The following CSAD variants were observed in gnomAD, a reference collection of about 807,000 sequenced individuals.
CSAD encodes cysteine sulfinic acid decarboxylase, also known as P-selectin cytoplasmic tail-associated protein.
CSAD carries 47 observed loss-of-function variants against 61.5 expected under a neutral mutation model. That is an observed-to-expected ratio of 0.76 (90% CI 0.60 to 0.97). The LOEUF (loss-of-function observed/expected upper bound fraction) is 0.97. Ranked by LOEUF, CSAD falls within the 50% of genes least tolerant of loss-of-function variation. The pLI is 0.00. For synonymous variants in CSAD, 245 were observed against 252.7 expected (o/e 0.97, Z 0.29); for missense variants, 611 against 643.6 (o/e 0.95, Z 0.55).
intron 2 of CSAD, 33 bp from the exon 3 acceptor site, chr12:53,173,803 G>A: frequency 5.6e-6 from 9 of 1,610,204 alleles, no homozygotes; most frequent in Non-Finnish European, 7.6e-6. Context: ...GGCAGAGGAA[G>A]TGGGGTGAAA....
At position 53,158,530 on chromosome 12, in the gene CSAD, C is replaced by T. The variant is rs150011882; in HGVS notation, c.1463G>A (p.Arg488Gln). 91 of 1,613,128 alleles carry T rather than the reference C, an allele frequency of 5.6e-5. 1 individual carries two copies. Among genetic ancestry groups the T allele is most frequent in the East Asian group, 4.2e-4 (19 of 44,888 alleles). The stretch of plus-strand genomic sequence containing the variant: ...GAAGGCTCACAGGTCCTGGCCTAGC[C>T]GCTCCAGCTCGTTGAGGAGGAAGTC... ...DMDFLLNELE[R>Q]LGQDL The change falls in exon 17 of 17, where the codon CGG becomes CAG. Residue 488 changes from arginine (R) to glutamine (Q), a missense_variant. Coordinates refer to ENST00000444623, the MANE Select transcript of CSAD (RefSeq NM_001244705.2).
Position 53,173,368 on chromosome 12 carries a change from T to C in CSAD, c.103A>G (p.Lys35Glu). ...ACCTTCTGGGAGACACTGGTTCCTT[T>C]CTGAATGGCCTCATCCACAACAACC... ...FGVVVDEAIQ[K>E]GTSVSQKVCE... Residue 35 changes from lysine to glutamate, a missense_variant, in exon 4 of 17, where the codon AAA becomes GAA. Physicochemically the swap from Lys to Glu is moderately conservative, Grantham distance 56 (BLOSUM62 1). Coordinates refer to ENST00000444623, the MANE Select transcript of CSAD (RefSeq NM_001244705.2). 1 of 1,614,198 alleles carries C rather than the reference T, an allele frequency of 6.2e-7. No homozygotes were observed. Among genetic ancestry groups the C allele is most frequent in the South Asian group, 1.1e-5 (1 of 91,080 alleles).
chr12:53,159,165 G>C (rs969095411), intron 16 of CSAD, among the ~76,000 whole-genome samples: 6 of 152,088 alleles, frequency 3.9e-5, no homozygotes, highest in African/African-American at 1.4e-4. Context: ...AACTCCATAA[G>C]GGCAAGAACA....
intron 1 of CSAD, chr12:53,180,429 C>A: frequency 8.5e-7 from 1 of 1,169,974 alleles, no homozygotes; most frequent in Non-Finnish European, 1.1e-6. Flanking sequence ...CCATCGAGCA[C>A]CCAGCGTACA....
intron 1 of CSAD, 150 bp downstream of exon 1, chr12:53,180,582 C>T (rs34628172): frequency 0.055 from 71,184 of 1,284,888 alleles, 2,285 homozygotes; most frequent in East Asian, 0.17. Flanking sequence ...TGCACCTCTC[C>T]GTGCGTCCCC....
In CSAD at chr12:53,180,893, T is replaced by C. The variant is rs772419018; in HGVS notation, c.-252A>G. ...GTCCGTACAGACGGCAGCGCTTCAG[T>C]AGCTCGCAAGCCGTGGGGTGCCGCG... On this transcript the variant is annotated 5_prime_UTR_variant, in exon 1 of 17. Transcript: ENST00000444623. 4 of 1,153,190 alleles carry C rather than the reference T, an allele frequency of 3.5e-6. No individual in the cohort carries two copies. 71.4% of individuals were successfully genotyped at this position (1,153,190 alleles called of 1,614,324 possible). A position where few individuals can be genotyped will look rare whatever the true frequency, so the allele number is the denominator to read the frequency against.
chr12:53,167,957 C>A (rs558842405), intron 10 of CSAD, among the ~76,000 whole-genome samples: 1 of 152,204 alleles, frequency 6.6e-6, no homozygotes, highest in South Asian at 2.1e-4. Context: ...GCATAAGAGC[C>A]CCAAAGTGGA....
chr12:53,174,821 G>A (rs913886345), intron 2 of CSAD, among the ~76,000 whole-genome samples: 29 of 152,104 alleles, frequency 1.9e-4, no homozygotes, highest in African/African-American at 6.5e-4. Context: ...GAGGAATTAA[G>A]GGGGTACAAG....
rs1941541272 is a variant in CSAD at position 53,180,720 on chromosome 12, T to C, written c.-91+12A>G. The C allele has an allele frequency of 7.9e-7, 1 of 1,265,162 alleles. No homozygotes were observed. Among genetic ancestry groups the C allele is most frequent in the African/African-American group, 1.6e-5 (1 of 63,144 alleles). The allele number at this position is 1,265,162 out of a possible 1,614,324, so 78.4% of individuals were successfully genotyped here. On this transcript the variant is annotated intron_variant, in intron 1 of 16. Transcript: ENST00000444623. The stretch of plus-strand genomic sequence containing the variant: ...CGGGGAAACGGGCCGGGGTTGGTGT[T>C]TGTAAACTTGCCTCGGTCCCGGTGG...
chr12:53,162,837 G>A (rs925611371), intron 10 of CSAD, among the ~76,000 whole-genome samples: 12 of 151,982 alleles, frequency 7.9e-5, no homozygotes, highest in South Asian at 4.1e-4. Context: ...CGAGGCGGGC[G>A]GATCACCTGA....
chr12:53,177,826 G>C (rs947058386), intron 2 of CSAD: 1 of 152,248 alleles, frequency 6.6e-6, no homozygotes, highest in African/African-American at 2.4e-5. Context: ...TTTTAGTAGA[G>C]ATGGGGTTTC....
chr12:53,159,839 A>C, intron 15 of CSAD, 48 bp downstream of exon 15: 1 of 1,562,476 alleles, frequency 6.4e-7, no homozygotes, highest in Non-Finnish European at 8.7e-7. Context: ...TGGGGGCTGC[A>C]AAAGAGCTAG....
In CSAD at chr12:53,180,796, C is replaced by A. The variant is rs1407843925; in HGVS notation, c.-155G>T. The A allele has an allele frequency of 8.7e-6, 11 of 1,271,426 alleles. No individual in the cohort carries two copies. In the African/African-American group the frequency reaches 1.7e-4, roughly 20 times the overall value. The allele number at this position is 1,271,426 out of a possible 1,614,324, so 78.8% of individuals were successfully genotyped here. On this transcript the variant is annotated 5_prime_UTR_variant, in exon 1 of 17. Transcript: ENST00000444623. The stretch of plus-strand genomic sequence containing the variant: ...AGGGTGTGCTGGGGCCTGGAGGAGG[C>A]GCCGCGCGGCCAGGGAGCCAGCGGG...
At chr12:53,166,565 A>G (rs1389218531) in intron 10 of CSAD, among the ~76,000 whole-genome samples, 1 of 152,028 alleles carries the variant, frequency 6.6e-6, no homozygotes, top group Non-Finnish European at 1.5e-5. Context: ...TGAGAGACCA[A>G]GGTGGGCAGA....
Position 53,171,926 on chromosome 12 carries a change from C to T in CSAD, c.407G>A (p.Arg136Gln), listed in dbSNP as rs147020312. The change falls in exon 7 of 17, where the codon CGG (arginine) becomes CAG (glutamine). Residue 136 changes from arginine to glutamine, a missense_variant. Physicochemically the swap from Arg to Gln is conservative, Grantham distance 43 (BLOSUM62 1). Transcript: ENST00000444623. ...CCCAGAGCTCCAGCCCACCAGGGCC[C>T]GCAGTTTCCTCAGCACCTCCTCTTC... is the stretch of plus-strand genomic sequence containing the variant. ...LMEEEVLRKL[R>Q]ALVGWSSGDG... 1,324 of 1,614,026 alleles carry T rather than the reference C, an allele frequency of 8.2e-4. 4 individuals carry two copies. The highest frequency in any genetic ancestry group is 9.7e-4 in the Non-Finnish European group (1,139 of 1,179,970).
intron 2 of CSAD, chr12:53,173,998 C>T (rs1380524762): frequency 3.7e-6 from 2 of 544,932 alleles, no homozygotes; most frequent in Non-Finnish European, 6.6e-6. Flanking sequence ...CTAGTCTGGC[C>T]ATTTCATGTA....
intron 10 of CSAD, among the ~76,000 whole-genome samples, chr12:53,166,765 T>C (rs1939989648): frequency 6.6e-6 from 1 of 151,946 alleles, no homozygotes; most frequent in Non-Finnish European, 1.5e-5. Context: ...CACTGCCCTC[T>C]AGCCTGGGGG....
intron 10 of CSAD, among the ~76,000 whole-genome samples, chr12:53,163,105 C>T (rs1939503230): frequency 6.6e-6 from 1 of 151,706 alleles, no homozygotes; most frequent in African/African-American, 2.4e-5. Flanking sequence ...TATAGGGGTG[C>T]ACTCCTATAG....
At position 53,158,058 on chromosome 12, in the gene CSAD, A is replaced by C. The variant is rs1938755087; in HGVS notation, c.*453T>G. The stretch of plus-strand genomic sequence containing the variant: ...TGTAATTTATTTAAACACTCTCCTA[A>C]AATCAAATATTTAGTTAGGAGAAAG... On this transcript the variant is annotated 3_prime_UTR_variant, in exon 17 of 17. Coordinates refer to ENST00000444623, the MANE Select transcript of CSAD (RefSeq NM_001244705.2). The C allele has an allele frequency of 6.6e-6, 1 of 152,362 alleles. No individual in the cohort carries two copies. Among genetic ancestry groups the C allele is most frequent in the Non-Finnish European group, 1.5e-5 (1 of 68,188 alleles). The allele number at this position is 152,362 out of a possible 1,614,324, so 9.4% of individuals were successfully genotyped here. A position where few individuals can be genotyped will look rare whatever the true frequency, so the allele number is the denominator to read the frequency against.
Sources: allele counts gnomAD v4.1 joint callset (sites outside exome capture counted in the v4.1 genomes callset), GRCh38; gene constraint gnomAD v4.1.1; transcripts MANE v1.5; gene names NCBI Gene and HGNC (gene_info 2026-07-23, HGNC 2026-07-21).